SMAP2: variants seen among roughly 807,000 people sequenced by gnomAD.
SMAP2 encodes the protein small ArfGAP2, also known as stromal membrane-associated protein 2.
SMAP2 carries 25 observed loss-of-function variants against 56.4 expected under a neutral mutation model. The ratio of observed to expected loss-of-function variants is 0.44; its 90% CI spans 0.32 to 0.62. The LOEUF (loss-of-function observed/expected upper bound fraction) is 0.62. Among genes scored for constraint, SMAP2 ranks in the 20% least tolerant of loss-of-function variants. The pLI is 0.04. For missense variants in SMAP2, 388 were observed against 545.6 expected (o/e 0.71, Z 2.88); for synonymous variants, 157 against 181.7 (o/e 0.86, Z 1.09).
Position 40,394,253 on chromosome 1 carries a change from G to A in SMAP2, c.104-12483G>A, listed in dbSNP as rs528380325. Among the ~76,000 whole-genome samples the A allele has an allele frequency of 2.0e-5, 3 of 152,206 alleles. No homozygotes were observed. In the East Asian group the frequency reaches 5.8e-4, roughly 29 times the overall value. ...TGCGGTGTGTTTAGGTGTTTGGGGC[G>A]CCAATCACTAGGGATTGGAAGGATT... On this transcript the variant is annotated intron_variant, in intron 1 of 9. Coordinates refer to ENST00000372718, the MANE Select transcript of SMAP2 (RefSeq NM_022733.3).
At chr1:40,358,517 C>T (rs759520703) in intron 1 of SMAP2, among the ~76,000 whole-genome samples, 6 of 152,176 alleles carry the variant, frequency 3.9e-5, no homozygotes, top group Non-Finnish European at 8.8e-5. Context: ...GCACTCTAGA[C>T]TGGGCGACAG....
chr1:40,399,952 T>C (rs898341582), intron 1 of SMAP2, among the ~76,000 whole-genome samples: 3 of 152,208 alleles, frequency 2.0e-5, no homozygotes, highest in South Asian at 2.1e-4. Context: ...TTAATTATGC[T>C]CTGCTTTCGT....
chr1:40,381,967 T>G (rs188769502), intron 1 of SMAP2, among the ~76,000 whole-genome samples: 1 of 152,340 alleles, frequency 6.6e-6, no homozygotes, highest in Non-Finnish European at 1.5e-5. Context: ...AGGCTGAACA[T>G]GCTCTTAGCC....
intron 1 of SMAP2, among the ~76,000 whole-genome samples, chr1:40,397,725 G>A (rs4660407): frequency 6.6e-6 from 1 of 152,046 alleles, no homozygotes; most frequent in Non-Finnish European, 1.5e-5. Context: ...AGAGAGACCT[G>A]TAAGCAACTC....
At chr1:40,414,352 C>A in intron 6 of SMAP2, 112 bp downstream of exon 6, 1 of 922,232 alleles carries the variant, frequency 1.1e-6, no homozygotes, top group Non-Finnish European at 1.7e-6. Flanking sequence ...ATTGCCAAGA[C>A]TGTTCTCTCA....
In SMAP2 at chr1:40,374,222, A is replaced by G. The variant is rs1287950167; in HGVS notation, c.102A>G (p.Lys34=). ...DNKFCADCQS[K]GPRWASWNIG... is the part of the protein sequence containing the mutation. ...AGTTTTGTGCAGATTGCCAGTCTAAAGGTAGCGCATCCCACCTGGCGGGCC... is the reference window on the plus strand; with the variant it reads ...AGTTTTGTGCAGATTGCCAGTCTAAGGGTAGCGCATCCCACCTGGCGGGCC... Residue 34 remains lysine, a splice_region_variant and synonymous_variant, in exon 1 of 10, where the codon AAA becomes AAG. Coordinates refer to ENST00000372718, the MANE Select transcript of SMAP2 (RefSeq NM_022733.3). This position sits in a 1 kb window ranked among gnomAD's most constrained non-coding sequence, Gnocchi z 5.9. The G allele has an allele frequency of 6.2e-7, 1 of 1,609,932 alleles. No homozygotes were observed. Among genetic ancestry groups the G allele is most frequent in the Non-Finnish European group, 8.5e-7 (1 of 1,178,182 alleles).
At chr1:40,394,439 C>A (rs1219676598) in intron 1 of SMAP2, among the ~76,000 whole-genome samples, 1 of 152,036 alleles carries the variant, frequency 6.6e-6, no homozygotes, top group East Asian at 1.9e-4. Flanking sequence ...TTATCTTATT[C>A]AGTGTTTGTA....
intron 1 of SMAP2, among the ~76,000 whole-genome samples, chr1:40,401,124 G>A (rs962639448): frequency 6.6e-6 from 1 of 152,136 alleles, no homozygotes; most frequent in Non-Finnish European, 1.5e-5. Flanking sequence ...TTAGCCGGGC[G>A]TGATCGCGGG....
chr1:40,399,684 A>G (rs537325546), intron 1 of SMAP2, among the ~76,000 whole-genome samples: 15 of 138,188 alleles, frequency 1.1e-4, no homozygotes, highest in African/African-American at 4.2e-4. Context: ...CCTGGGTGAG[A>G]GAGTAAGACC....
intron 1 of SMAP2, among the ~76,000 whole-genome samples, chr1:40,401,016 C>T (rs766950980): frequency 5.9e-5 from 9 of 152,078 alleles, no homozygotes; most frequent in Non-Finnish European, 1.0e-4. Context: ...TCCCAGCACT[C>T]TGGGAGGCCG....
chr1:40,398,268 C>G (rs1644792762), intron 1 of SMAP2, among the ~76,000 whole-genome samples: 2 of 151,830 alleles, frequency 1.3e-5, no homozygotes, highest in Non-Finnish European at 2.9e-5. Context: ...TCACTCTGTT[C>G]CCTAGGATGA....
intron 2 of SMAP2, chr1:40,364,791 C>T (rs1644474788): frequency 6.6e-6 from 1 of 151,460 alleles, no homozygotes; most frequent in Non-Finnish European, 1.5e-5. Flanking sequence ...TCCACAGGGA[C>T]ATCAAGGTGC....
chr1:40,384,910 A>G (rs763003503), intron 1 of SMAP2, among the ~76,000 whole-genome samples: 25 of 152,206 alleles, frequency 1.6e-4, no homozygotes, highest in Non-Finnish European at 2.9e-4. Flanking sequence ...TTTAATAAAT[A>G]TAATATTTCA....
In SMAP2 at chr1:40,415,375, C is replaced by A; in HGVS notation, c.675C>A (p.Ser225=). 1 of 1,602,652 alleles carries A rather than the reference C, an allele frequency of 6.2e-7. No homozygotes were observed. Among genetic ancestry groups the A allele is most frequent in the East Asian group, 2.2e-5 (1 of 44,844 alleles). Residue 225 remains serine (S), a synonymous_variant, in exon 7 of 10, where the codon TCC becomes TCA. Transcript: ENST00000372718. The stretch of plus-strand genomic sequence containing the variant: ...TTCCATCCCCTTCTTCTTCCGGTTC[C>A]AGAAAGGTGAGTCTTGTGGGCTCCT... The part of the protein sequence containing the change: ...ASVPSPSSSG[S]RKVVGSMPTA...
At chr1:40,348,172 A>T (rs562825176) in intron 1 of SMAP2, among the ~76,000 whole-genome samples, 40 of 152,240 alleles carry the variant, frequency 2.6e-4, no homozygotes, top group African/African-American at 8.2e-4. Flanking sequence ...AAAACATTTT[A>T]AAAAATCCTT....
At chr1:40,346,483 C>A (rs888925821) in intron 1 of SMAP2, among the ~76,000 whole-genome samples, 2 of 151,390 alleles carry the variant, frequency 1.3e-5, no homozygotes, top group African/African-American at 4.9e-5. Context: ...GATCCTCCTG[C>A]CTCAGTCTTC....
chr1:40,354,767 ATTTTTTTTTTTTTT>A (rs774191085), intron 1 of SMAP2, among the ~76,000 whole-genome samples: 3 of 67,338 alleles, frequency 4.5e-5, no homozygotes, highest in African/African-American at 2.0e-4. Context: ...AAAACATTGA[ATTTTTTTTTTTTTT>A]TTTTTTTTTT....
intron 1 of SMAP2, among the ~76,000 whole-genome samples, chr1:40,355,095 C>T (rs1473717576): frequency 6.6e-6 from 1 of 151,924 alleles, no homozygotes; most frequent in Non-Finnish European, 1.5e-5. Context: ...TGCACCTGGC[C>T]TCATTGAAGG....
In SMAP2 at chr1:40,413,137, C is replaced by T. The variant is rs12068474; in HGVS notation, c.489+35C>T. On this transcript the variant is annotated intron_variant, in intron 5 of 9. Transcript: ENST00000372718. ...GAAGTATTTGCACTGTATGGACAGC[C>T]TCAGGTATGTGTATATTTGTGAAAG... The T allele has an allele frequency of 8.7e-3, 13,027 of 1,496,270 alleles. 361 individuals carry two copies. The highest frequency in any genetic ancestry group is 0.082 in the East Asian group (3,639 of 44,268). 92.7% of individuals were successfully genotyped at this position (1,496,270 alleles called of 1,614,324 possible). A position where few individuals can be genotyped will look rare whatever the true frequency, so the allele number is the denominator to read the frequency against.
Sources: allele counts gnomAD v4.1 joint callset (sites outside exome capture counted in the v4.1 genomes callset), GRCh38; gene constraint gnomAD v4.1.1; non-coding constraint Gnocchi (gnomAD v3.1); transcripts MANE v1.5; gene names NCBI Gene and HGNC (gene_info 2026-07-23, HGNC 2026-07-21).